SMARCB1: variants seen among roughly 807,000 people sequenced by gnomAD.
SMARCB1 encodes the protein SWI/SNF-related matrix-associated actin-dependent regulator of chromatin subfamily B member 1.
SMARCB1 carries 5 observed loss-of-function variants against 49.0 expected under a neutral mutation model. That is an observed-to-expected ratio of 0.10 (90% CI 0.05 to 0.21). SMARCB1 has a LOEUF of 0.21. Ranked by LOEUF, SMARCB1 falls within the 10% of genes least tolerant of loss-of-function variation. The pLI is 1.00. For synonymous variants in SMARCB1, 201 were observed against 200.1 expected (o/e 1.00, Z -0.04); for missense variants, 226 against 509.2 (o/e 0.44, Z 5.35).
rs569047608 is a variant in SMARCB1, at chr22:23,837,488, G to A, written c.*3308G>A. On this transcript the variant is annotated 3_prime_UTR_variant, in exon 9 of 9. Transcript: ENST00000644036. ...CTGACGATGCAAATTATGTGGGCCG[G>A]CTGGCTTGAGGGGCTGTAAGAGCAC... 112 of 721,818 alleles carry A rather than the reference G, an allele frequency of 1.6e-4. 1 individual carries two copies. The East Asian group carries it at 2.8e-3, about 18-fold the overall frequency. The allele number at this position is 721,818 out of a possible 1,614,324, so 44.7% of individuals were successfully genotyped here. A position where few individuals can be genotyped will look rare whatever the true frequency, so the allele number is the denominator to read the frequency against.
At chr22:23,827,474 A>G (rs1332878968) in intron 7 of SMARCB1, among the ~76,000 whole-genome samples, 1 of 152,086 alleles carries the variant, frequency 6.6e-6, no homozygotes, top group Non-Finnish European at 1.5e-5. Context: ...GCAGGTCAGG[A>G]TTTAGAGGCA....
At chr22:23,787,519 C>G (rs756368952) in intron 1 of SMARCB1, among the ~76,000 whole-genome samples, 31 of 152,228 alleles carry the variant, frequency 2.0e-4, no homozygotes, top group Non-Finnish European at 2.4e-4. Context: ...CGAGGGGCCC[C>G]AGTGGTTCCG....
intron 3 of SMARCB1, among the ~76,000 whole-genome samples, chr22:23,797,887 G>A (rs999341157): frequency 4.6e-5 from 7 of 152,106 alleles, no homozygotes; most frequent in African/African-American, 1.2e-4. Flanking sequence ...CCAAAGTGTC[G>A]GGGTTACAGG....
chr22:23,799,678 A>G (rs1929013955), intron 3 of SMARCB1, among the ~76,000 whole-genome samples: 1 of 66,010 alleles, frequency 1.5e-5, no homozygotes, highest in Admixed American at 1.7e-4. Context: ...ACACCTGGCT[A>G]ATTTTTTTTT....
chr22:23,798,176 G>A (rs750665261), intron 3 of SMARCB1, among the ~76,000 whole-genome samples: 1 of 152,196 alleles, frequency 6.6e-6, no homozygotes, highest in African/African-American at 2.4e-5. Context: ...GAAATCACCC[G>A]TGGAAGCTGC....
Position 23,837,988 on chromosome 22 carries a change from A to G in SMARCB1, c.*3808A>G, listed in dbSNP as rs995762404. ...CCTCATCAAGATGAGCCAGTCCAATAAAGGCGACACACTCCACGGGCTTCA... is the reference window on the plus strand; with the variant it reads ...CCTCATCAAGATGAGCCAGTCCAATGAAGGCGACACACTCCACGGGCTTCA... On this transcript the variant is annotated 3_prime_UTR_variant, in exon 9 of 9. Coordinates refer to ENST00000644036, the MANE Select transcript of SMARCB1 (RefSeq NM_003073.5). 7 of 1,240,442 alleles carry G rather than the reference A, an allele frequency of 5.6e-6. No homozygotes were observed. Among genetic ancestry groups the G allele is most frequent in the Non-Finnish European group, 7.7e-6 (7 of 914,158 alleles). The allele number at this position is 1,240,442 out of a possible 1,614,324, so 76.8% of individuals were successfully genotyped here.
chr22:23,837,911 T>G lies in SMARCB1; in HGVS notation c.*3731T>G. 6.5e-7 allele frequency: 1 copy of G among 1,530,018 alleles called. No individual in the cohort carries two copies. The highest frequency in any genetic ancestry group is 2.3e-5 in the East Asian group (1 of 43,108). 94.8% of individuals were successfully genotyped at this position (1,530,018 alleles called of 1,614,324 possible). A position where few individuals can be genotyped will look rare whatever the true frequency, so the allele number is the denominator to read the frequency against. On this transcript the variant is annotated 3_prime_UTR_variant, in exon 9 of 9. Coordinates refer to ENST00000644036, the MANE Select transcript of SMARCB1 (RefSeq NM_003073.5). ...CCTCAGCCCAAGCCCAGGGCCCCTC[T>G]GACTTCCCAAGACCCTGGAATTCTT... is the stretch of plus-strand genomic sequence containing the variant.
intron 7 of SMARCB1, among the ~76,000 whole-genome samples, chr22:23,832,356 G>C (rs1018350170): frequency 2.2e-4 from 34 of 152,214 alleles, no homozygotes; most frequent in Non-Finnish European, 4.4e-5. Flanking sequence ...GATGAGGTTT[G>C]CAGGGACCTG....
In SMARCB1 at chr22:23,836,943, G is replaced by C. The variant is rs2031095791; in HGVS notation, c.*2763G>C. The C allele has an allele frequency of 1.3e-6, 2 of 1,585,566 alleles. No homozygotes were observed. The highest frequency in any genetic ancestry group is 2.7e-5 in the African/African-American group (2 of 74,110). On this transcript the variant is annotated 3_prime_UTR_variant, in exon 9 of 9. Coordinates refer to ENST00000644036, the MANE Select transcript of SMARCB1 (RefSeq NM_003073.5). Reference sequence around the variant, plus strand: ...GGCAGGTAATTGGGGTCTTCTGCAGGGGCATCCAGGAGCAGCTTTCTGTGG... The same window carrying C: ...GGCAGGTAATTGGGGTCTTCTGCAGCGGCATCCAGGAGCAGCTTTCTGTGG...
chr22:23,830,532 C>T (rs1218144270), intron 7 of SMARCB1, among the ~76,000 whole-genome samples: 2 of 151,936 alleles, frequency 1.3e-5, no homozygotes, highest in Non-Finnish European at 2.9e-5. Context: ...AGAAGTCCCT[C>T]ATCAGATAGA....
chr22:23,793,844 C>T (rs955988971), intron 3 of SMARCB1, among the ~76,000 whole-genome samples, 156 bp downstream of exon 3: 11 of 149,784 alleles, frequency 7.3e-5, no homozygotes, highest in African/African-American at 2.2e-4. Flanking sequence ...TGCAGTGGCA[C>T]GATCTTGGCT....
rs192927503 is a variant in SMARCB1, at chr22:23,837,551, G to C, written c.*3371G>C. 10 of 1,165,878 alleles carry C rather than the reference G, an allele frequency of 8.6e-6. No homozygotes were observed. In the African/African-American group the frequency reaches 1.5e-4, roughly 18 times the overall value. 72.2% of individuals were successfully genotyped at this position (1,165,878 alleles called of 1,614,324 possible). The stretch of plus-strand genomic sequence containing the variant: ...GGCAGGAAGATGGGGATGGAGCCAG[G>C]TGTGAGGAGAACTCCAGCAAGGATG... On this transcript the variant is annotated 3_prime_UTR_variant, in exon 9 of 9. Transcript: ENST00000644036.
At chr22:23,809,160 CTG>C (rs1929709720) in intron 5 of SMARCB1, among the ~76,000 whole-genome samples, 1 of 151,642 alleles carries the variant, frequency 6.6e-6, no homozygotes, top group Admixed American at 6.6e-5. Context: ...TCGTGAGAAA[CTG>C]GACGCTAGAG....
At chr22:23,805,588 T>G (rs1317429965) in intron 5 of SMARCB1, among the ~76,000 whole-genome samples, 3 of 151,086 alleles carry the variant, frequency 2.0e-5, no homozygotes, top group African/African-American at 7.3e-5. Context: ...TCACCACAAC[T>G]TCCGCCTCCC....
rs145695677 is a variant in SMARCB1 at position 23,793,635 on chromosome 22, C to T, written c.309C>T (p.Asn103=). 1.2e-5 allele frequency: 19 copies of T among 1,613,944 alleles called. No individual in the cohort carries two copies. The highest frequency in any genetic ancestry group is 4.4e-5 in the South Asian group (4 of 91,080). Residue 103 remains asparagine, a synonymous_variant, in exon 3 of 9, where the codon AAC becomes AAT. Coordinates refer to ENST00000644036, the MANE Select transcript of SMARCB1 (RefSeq NM_003073.5). ...AAGTGGAAGAGATTCTGGATGGCAACGATGAGAAGTACAAGGCTGTGTCCA... is the reference window on the plus strand; with the variant it reads ...AAGTGGAAGAGATTCTGGATGGCAATGATGAGAAGTACAAGGCTGTGTCCA... ...ASEVEEILDG[N]DEKYKAVSIS...
At chr22:23,832,933 T>G (rs1261390758) in intron 7 of SMARCB1, among the ~76,000 whole-genome samples, 2 of 151,812 alleles carry the variant, frequency 1.3e-5, no homozygotes, top group Non-Finnish European at 2.9e-5. Flanking sequence ...CAGGGCAGAG[T>G]GTGGTCCGGG....
Position 23,834,811 on chromosome 22 carries a change from C to G in SMARCB1, c.*631C>G. On this transcript the variant is annotated 3_prime_UTR_variant, in exon 9 of 9. Transcript: ENST00000644036. The stretch of plus-strand genomic sequence containing the variant: ...CCTTTCAGGAACAGCCCTAACCCTG[C>G]TCCCCTTGCTTGGCCTCAGGAAGGT... 1 of 1,606,830 alleles carries G rather than the reference C, an allele frequency of 6.2e-7. No homozygotes were observed. Among genetic ancestry groups the G allele is most frequent in the Non-Finnish European group, 8.5e-7 (1 of 1,177,034 alleles).
At chr22:23,794,728 A>G (rs1346431800) in intron 3 of SMARCB1, among the ~76,000 whole-genome samples, 1 of 152,112 alleles carries the variant, frequency 6.6e-6, no homozygotes, top group African/African-American at 2.4e-5. Context: ...GAGAAACCCC[A>G]TCTCTACTAA....
At chr22:23,828,129 T>G (rs1304494568) in intron 7 of SMARCB1, among the ~76,000 whole-genome samples, 1 of 152,152 alleles carries the variant, frequency 6.6e-6, no homozygotes, top group Non-Finnish European at 1.5e-5. Flanking sequence ...CTCGGCTCAC[T>G]GCAAGCTCTG....
Sources: gnomAD v4.1 joint callset for allele counts (sites outside exome capture counted in the v4.1 genomes callset) on GRCh38, gnomAD v4.1.1 for gene constraint, MANE v1.5 for transcripts, NCBI Gene and HGNC (gene_info 2026-07-23, HGNC 2026-07-21) for gene names.